The following CTNNA2 variants were observed in gnomAD, a reference collection of about 807,000 sequenced individuals.
The protein encoded by CTNNA2 is catenin alpha 2.
Under a neutral mutation model 101.0 loss-of-function variants are expected in CTNNA2, and 42 were observed. The ratio of observed to expected loss-of-function variants is 0.42; its 90% CI spans 0.32 to 0.54. CTNNA2 has a LOEUF of 0.54. Among genes scored for constraint, CTNNA2 ranks in the 20% least tolerant of loss-of-function variants. CTNNA2 has a pLI of 0.14. For synonymous variants in CTNNA2, 450 were observed against 456.4 expected (o/e 0.99, Z 0.18); for missense variants, 871 against 1,223.1 (o/e 0.71, Z 4.29).
At chr2:80,372,770 T>G (rs2149335808) in intron 7 of CTNNA2, among the ~76,000 whole-genome samples, 1 of 152,244 alleles carries the variant, frequency 6.6e-6, no homozygotes, top group South Asian at 2.1e-4. Context: ...CTATTTTAAT[T>G]ACTTTAAAAA....
intron 7 of CTNNA2, among the ~76,000 whole-genome samples, chr2:80,087,558 T>C (rs1699523573): frequency 6.6e-6 from 1 of 152,072 alleles, no homozygotes; most frequent in African/African-American, 2.4e-5. Context: ...CTTCTGGGTA[T>C]AGGGAAGTTC....
rs201098852 is a variant in CTNNA2, at chr2:80,271,421, C to CTT, written c.1057-121775_1057-121774dup. Among the ~76,000 whole-genome samples, 109 of 139,804 alleles carry CTT rather than the reference C, an allele frequency of 7.8e-4. 1 individual carries two copies. In the South Asian group the frequency reaches 0.013, roughly 17 times the overall value. 91.7% of individuals were successfully genotyped at this position (139,804 alleles called of 152,430 possible). ...TTGACCAAGCTTCTTTATCCTCAGTCTTTTTTTTTTTTTTTTCTGAGATGG... is the reference window on the plus strand; with the variant it reads ...TTGACCAAGCTTCTTTATCCTCAGTCTTTTTTTTTTTTTTTTTTCTGAGATGG... On this transcript the variant is annotated intron_variant, in intron 7 of 18. Coordinates refer to ENST00000402739, the MANE Select transcript of CTNNA2 (RefSeq NM_001282597.3).
chr2:79,862,929 T>C (rs919928), intron 4 of CTNNA2, among the ~76,000 whole-genome samples: 1 of 152,138 alleles, frequency 6.6e-6, no homozygotes. Flanking sequence ...AGTCCAGAGG[T>C]AATAGCTTCA....
chr2:79,621,517 A>G (rs911480266), intron 1 of CTNNA2, among the ~76,000 whole-genome samples: 2 of 152,220 alleles, frequency 1.3e-5, no homozygotes, highest in African/African-American at 4.8e-5. Context: ...AATTTGAGCA[A>G]TACGATACAG....
At chr2:80,424,424 T>A (rs1158003930) in intron 9 of CTNNA2, among the ~76,000 whole-genome samples, 1 of 152,224 alleles carries the variant, frequency 6.6e-6, no homozygotes, top group Non-Finnish European at 1.5e-5. Flanking sequence ...TGCTTGTCTG[T>A]TTTTATTAAT....
intron 7 of CTNNA2, among the ~76,000 whole-genome samples, chr2:80,218,796 A>C (rs1467672990): frequency 6.6e-6 from 1 of 152,228 alleles, no homozygotes; most frequent in Non-Finnish European, 1.5e-5. Flanking sequence ...CCCATTTGAC[A>C]AAGTGAAAAT....
In CTNNA2 at chr2:79,584,814, C is replaced by G. The variant is rs544205280; in HGVS notation, c.-5-66738C>G. 3.3e-5 allele frequency among the ~76,000 whole-genome samples: 5 copies of G among 152,300 alleles called. No individual in the cohort carries two copies. In the South Asian group the frequency reaches 1.0e-3, roughly 32 times the overall value. On this transcript the variant is annotated intron_variant, in intron 1 of 18. Transcript: ENST00000402739. ...GGATTACAGGCGTGAGCCACCGCACCCGGCGCAAGCAGATTTTCATATGCA... is the reference window on the plus strand; with the variant it reads ...GGATTACAGGCGTGAGCCACCGCACGCGGCGCAAGCAGATTTTCATATGCA...
chr2:80,322,944 C>T (rs1678861409), intron 7 of CTNNA2, among the ~76,000 whole-genome samples: 1 of 152,206 alleles, frequency 6.6e-6, no homozygotes, highest in Non-Finnish European at 1.5e-5. Context: ...CCAGGCATCA[C>T]TGAAGGGTAT....
At chr2:79,704,442 C>T (rs934820860) in intron 2 of CTNNA2, among the ~76,000 whole-genome samples, 2 of 151,080 alleles carry the variant, frequency 1.3e-5, no homozygotes, top group Admixed American at 6.6e-5. Context: ...CAATGTTTAA[C>T]GGTAAATATC....
At chr2:80,343,318 G>A in intron 7 of CTNNA2, among the ~76,000 whole-genome samples, 1 of 151,226 alleles carries the variant, frequency 6.6e-6, no homozygotes, top group East Asian at 2.0e-4. Flanking sequence ...GGCAAGAATA[G>A]ATGTTCTCTT....
chr2:79,971,871 G>C (rs1200343695), intron 7 of CTNNA2, among the ~76,000 whole-genome samples: 4 of 152,158 alleles, frequency 2.6e-5, no homozygotes, highest in Non-Finnish European at 5.9e-5. Context: ...TACTGGGCTG[G>C]AGGTCCCATC....
chr2:79,384,376 T>TTCTCTCTCTCTC (rs11267995), intron 4 of CTNNA2, among the ~76,000 whole-genome samples: 4 of 104,600 alleles, frequency 3.8e-5, no homozygotes, highest in Non-Finnish European at 7.6e-5. Context: ...TGCATATTTC[T>TTCTCTCTCTCTC]TCTCTCTCTC....
Position 79,501,804 on chromosome 2 carries a change from T to C in CTNNA2, c.-134-3250T>C, listed in dbSNP as rs371123391. Among the ~76,000 whole-genome samples, 177 of 152,250 alleles carry C rather than the reference T, an allele frequency of 1.2e-3. 3 individuals are homozygous for C. In the South Asian group the frequency reaches 0.024, roughly 21 times the overall value. On this transcript the variant is annotated intron_variant, in intron 4 of 21. Coordinates refer to the CTNNA2 transcript ENST00000466387. ...ATGTGAAACTAAAAGCACATGATCTTGTGTATATTTTAGAGCATTAATTGG... is the reference window on the plus strand; with the variant it reads ...ATGTGAAACTAAAAGCACATGATCTCGTGTATATTTTAGAGCATTAATTGG...
intron 7 of CTNNA2, among the ~76,000 whole-genome samples, chr2:79,996,318 T>C (rs1161249057): frequency 6.6e-6 from 1 of 152,212 alleles, no homozygotes; most frequent in Admixed American, 6.5e-5. Context: ...TTGTCCTCTA[T>C]GCAAATTGCT....
At chr2:80,103,830 G>A (rs1700705215) in intron 7 of CTNNA2, among the ~76,000 whole-genome samples, 1 of 152,180 alleles carries the variant, frequency 6.6e-6, no homozygotes, top group South Asian at 2.1e-4. Flanking sequence ...TGCCTCCCGG[G>A]TTCAAGTGAT....
At chr2:80,026,213 G>A (rs958797240) in intron 7 of CTNNA2, among the ~76,000 whole-genome samples, 5 of 152,120 alleles carry the variant, frequency 3.3e-5, no homozygotes, top group African/African-American at 9.7e-5. Flanking sequence ...AGGGAGGAGC[G>A]TTTGAATGAT....
chr2:79,710,906 G>C (rs988849440), intron 2 of CTNNA2, among the ~76,000 whole-genome samples: 1 of 152,082 alleles, frequency 6.6e-6, no homozygotes, highest in Non-Finnish European at 1.5e-5. Context: ...TTATCCACAG[G>C]CTTTATGAGC....
intron 3 of CTNNA2, among the ~76,000 whole-genome samples, chr2:79,755,137 C>A (rs1406889051): frequency 6.6e-6 from 1 of 151,932 alleles, no homozygotes; most frequent in East Asian, 1.9e-4. Flanking sequence ...CCAGCCTGGG[C>A]AAGATAGCAA....
At chr2:80,220,550 C>T (rs1181905588) in intron 7 of CTNNA2, among the ~76,000 whole-genome samples, 5 of 152,142 alleles carry the variant, frequency 3.3e-5, no homozygotes, top group Non-Finnish European at 4.4e-5. Flanking sequence ...AGCAAGACCT[C>T]GGCTCTATTA....
Sources: gnomAD v4.1 joint callset for allele counts (sites outside exome capture counted in the v4.1 genomes callset) on GRCh38, gnomAD v4.1.1 for gene constraint, MANE v1.5 for transcripts, NCBI Gene and HGNC (gene_info 2026-07-23, HGNC 2026-07-21) for gene names.